The following COL6A2 variants were observed in gnomAD, a reference collection of about 807,000 sequenced individuals.
COL6A2 encodes collagen alpha-2(VI) chain.
A neutral mutation model predicts 124.9 loss-of-function variants in COL6A2; 90 were observed. The ratio of observed to expected loss-of-function variants is 0.72; its 90% confidence interval spans 0.61 to 0.86. The LOEUF is 0.86. Ranked by LOEUF, COL6A2 falls within the 40% of genes least tolerant of loss-of-function variation. The pLI, the probability that COL6A2 is intolerant of heterozygous loss-of-function variation, is 0.00. For missense variants in COL6A2, 1,607 were observed against 1,502.5 expected (o/e 1.07, Z -1.15); for synonymous variants, 793 against 618.2 (o/e 1.28, Z -4.19).
At chr21:46,108,052 A>T in intron 1 of COL6A2, among the ~76,000 whole-genome samples, 1 of 144,702 alleles carries the variant, frequency 6.9e-6, no homozygotes. Flanking sequence ...TCTCTCCCTA[A>T]TCTCCCCTCC....
intron 20 of COL6A2, 141 bp downstream of exon 20, chr21:46,122,672 A>C: frequency 9.4e-7 from 1 of 1,064,566 alleles, no homozygotes; most frequent in Non-Finnish European, 1.4e-6. Context: ...CAGCCATGTC[A>C]CCTATGCTGA....
chr21:46,128,499 C>T (rs890623782), intron 27 of COL6A2, among the ~76,000 whole-genome samples: 42 of 152,222 alleles, frequency 2.8e-4, no homozygotes, highest in African/African-American at 1.0e-3. Flanking sequence ...CTGGCCCTGG[C>T]CTTCTCCAGA....
At chr21:46,124,408 C>T (rs913362981) in intron 21 of COL6A2, among the ~76,000 whole-genome samples, 3 of 152,096 alleles carry the variant, frequency 2.0e-5, no homozygotes, top group South Asian at 4.1e-4. Context: ...TCTGGGACAC[C>T]CAGCTCTGCC....
rs779652418 is a variant in COL6A2, at chr21:46,132,159, G to A, written c.2667G>A (p.Gln889=). 4 of 1,569,998 alleles carry A rather than the reference G, an allele frequency of 2.5e-6. No homozygotes were observed. Among genetic ancestry groups the A allele is most frequent in the East Asian group, 2.4e-5 (1 of 41,816 alleles). ...LLQFGGPGEQ[Q]VAFPLSHNLT... ...AGTTTGGTGGCCCCGGCGAGCAGCA[G>A]GTGGCCTTCCCGCTGAGCCACAACC... is the stretch of plus-strand genomic sequence containing the variant. Residue 889 remains glutamine, a synonymous_variant, in exon 28 of 28, where the codon CAG becomes CAA. Coordinates refer to ENST00000300527, the MANE Select transcript of COL6A2 (RefSeq NM_001849.4).
At position 46,132,738 on chromosome 21, in the gene COL6A2, C is replaced by T. The variant is rs1030427040; in HGVS notation, c.*186C>T. ...CCGCCCAGCCCCAGGTCTCCCCAGG[C>T]CCTCCGCAGGCTGCCCGGCCTCCCT... On this transcript the variant is annotated 3_prime_UTR_variant, in exon 28 of 28. Coordinates refer to ENST00000300527, the MANE Select transcript of COL6A2 (RefSeq NM_001849.4). 5.4e-5 allele frequency: 34 copies of T among 634,828 alleles called. No individual in the cohort carries two copies. The highest frequency in any genetic ancestry group is 8.4e-5 in the Non-Finnish European group (31 of 367,600). 39.3% of individuals were successfully genotyped at this position (634,828 alleles called of 1,614,324 possible). A position where few individuals can be genotyped will look rare whatever the true frequency, so the allele number is the denominator to read the frequency against.
chr21:46,113,284 G>A (rs1033941772), intron 4 of COL6A2, among the ~76,000 whole-genome samples: 9 of 152,138 alleles, frequency 5.9e-5, no homozygotes, highest in Admixed American at 3.9e-4. Context: ...CCTCAGAATC[G>A]CTGCTCAGTA....
At chr21:46,124,971 C>T in intron 23 of COL6A2, 51 bp downstream of exon 23, 10 of 1,605,054 alleles carry the variant, frequency 6.2e-6, no homozygotes, top group Non-Finnish European at 7.7e-6. Flanking sequence ...CAAAACTAGA[C>T]ACCAAGAGCA....
chr21:46,121,082 C>T lies in COL6A2; in HGVS notation c.1417C>T (p.Pro473Ser). 1 of 1,612,782 alleles carries T rather than the reference C, an allele frequency of 6.2e-7. No individual in the cohort carries two copies. The change falls in exon 17 of 28, where the codon CCC becomes TCC. Residue 473 changes from proline to serine, a missense_variant. Pro to Ser is a moderately conservative substitution (Grantham distance 74). Transcript: ENST00000300527. Reference protein sequence around the residue: ...GAKGDRGLPGPRGPQGALGEP... With the variant: ...GAKGDRGLPGSRGPQGALGEP... The stretch of plus-strand genomic sequence containing the variant: ...CCAGGGAGACCGAGGCTTGCCTGGA[C>T]CCAGAGGCCCCCAGGGAGCTCTTGG...
intron 15 of COL6A2, 142 bp downstream of exon 15, chr21:46,119,992 G>A (rs1359536039): frequency 5.1e-6 from 4 of 791,978 alleles, no homozygotes; most frequent in South Asian, 1.5e-5. Flanking sequence ...GCAGAGTCTG[G>A]GAATGCAGCC....
intron 21 of COL6A2, among the ~76,000 whole-genome samples, chr21:46,124,126 G>A (rs2078619195): frequency 6.6e-6 from 1 of 151,444 alleles, no homozygotes. Context: ...TGGGTGGGTG[G>A]ATGGATAGAT....
chr21:46,125,425 G>A (rs1175380599), intron 24 of COL6A2, 40 bp from the exon 25 acceptor site: 2 of 1,611,390 alleles, frequency 1.2e-6, no homozygotes, highest in South Asian at 2.2e-5. Flanking sequence ...AGGGTCTGAG[G>A]TCTCCCCGGT....
chr21:46,121,225 C>A, intron 17 of COL6A2, 102 bp downstream of exon 17: 1 of 1,192,104 alleles, frequency 8.4e-7, no homozygotes, highest in Non-Finnish European at 1.2e-6. Context: ...CCATAGCAAA[C>A]CCAGGCAGCA....
Position 46,116,737 on chromosome 21 carries a change from G to C in COL6A2, c.955-33G>C. 2 of 1,613,102 alleles carry C rather than the reference G, an allele frequency of 1.2e-6. No homozygotes were observed. Among genetic ancestry groups the C allele is most frequent in the Non-Finnish European group, 1.7e-6 (2 of 1,180,020 alleles). Reference sequence around the variant, plus strand: ...TGCTGCTCAGGGCAGAAGGACCGGGGCTAATGGAGTTCCCTCTTCCTTCTC... The same window carrying C: ...TGCTGCTCAGGGCAGAAGGACCGGGCCTAATGGAGTTCCCTCTTCCTTCTC... On this transcript the variant is annotated intron_variant, in intron 9 of 27. Coordinates refer to ENST00000300527, the MANE Select transcript of COL6A2 (RefSeq NM_001849.4). The surrounding 1 kb of genome is among the most constrained non-coding windows in gnomAD (Gnocchi z 4.6).
chr21:46,099,889 CT>C (rs869028897), intron 1 of COL6A2, among the ~76,000 whole-genome samples: 8,948 of 91,602 alleles, frequency 0.098, 374 homozygotes, highest in Middle Eastern at 0.18. Flanking sequence ...GCAGCACTGT[CT>C]TTTTTTTTTT....
At chr21:46,125,195 G>C (rs1204890601) in intron 23 of COL6A2, 71 bp from the exon 24 acceptor site, 1 of 1,454,926 alleles carries the variant, frequency 6.9e-7, no homozygotes, top group Non-Finnish European at 9.6e-7. Context: ...GGGACCCCCA[G>C]GCCAGGACCT....
chr21:46,119,220 C>A (rs2078523417), intron 14 of COL6A2, 101 bp downstream of exon 14: 2 of 919,812 alleles, frequency 2.2e-6, no homozygotes, highest in South Asian at 2.9e-5. Context: ...TAGGCAGGAT[C>A]CCCTGCTGGC....
At chr21:46,107,684 G>A (rs540654693) in intron 1 of COL6A2, among the ~76,000 whole-genome samples, 1 of 152,260 alleles carries the variant, frequency 6.6e-6, no homozygotes, top group South Asian at 2.1e-4. Flanking sequence ...ATCTTAACCT[G>A]AGCATTTCCT....
chr21:46,126,381 C>T, intron 26 of COL6A2, 122 bp from the exon 27 acceptor site: 1 of 1,529,818 alleles, frequency 6.5e-7, no homozygotes, highest in Non-Finnish European at 9.1e-7. Context: ...GTCGGGCCCT[C>T]TCGGGGCTGC....
At position 46,112,292 on chromosome 21, in the gene COL6A2, G is replaced by C. The variant is rs559702721; in HGVS notation, c.429G>C (p.Glu143Asp). The C allele has an allele frequency of 2.5e-6, 4 of 1,612,518 alleles. No individual in the cohort carries two copies. In the South Asian group the frequency reaches 3.3e-5, roughly 13 times the overall value. Residue 143 changes from glutamate (E) to aspartate (D), a missense_variant, in exon 3 of 28, where the codon GAG (glutamate) becomes GAC (aspartate). This residue lies in a region of COL6A2 where 342 missense variants were observed against 381.5 expected (regional missense o/e 0.90). Transcript: ENST00000300527. ...ACTGCGCGCTGGCCAACATGACGGA[G>C]CAGATCCGGCAGGACCGCAGCAAGG... ...FTDCALANMT[E>D]QIRQDRSKGT...
Sources: allele counts gnomAD v4.1 joint callset (sites outside exome capture counted in the v4.1 genomes callset), GRCh38; gene constraint gnomAD v4.1.1; regional missense constraint gnomAD v4.1.1; non-coding constraint Gnocchi (gnomAD v3.1); transcripts MANE v1.5; gene names NCBI Gene and HGNC (gene_info 2026-07-23, HGNC 2026-07-21).